SERGEF: variants seen among roughly 807,000 people sequenced by gnomAD.
The protein encoded by SERGEF is secretion-regulating guanine nucleotide exchange factor.
SERGEF carries 51 observed loss-of-function variants against 50.0 expected under a neutral mutation model. The ratio of observed to expected loss-of-function variants is 1.02; its 90% CI spans 0.81 to 1.29. The LOEUF is 1.29. Ranked by LOEUF, SERGEF falls within the 50% of genes most tolerant of loss-of-function variation. SERGEF has a pLI of 0.00. For synonymous variants in SERGEF, 205 were observed against 212.4 expected, an observed-to-expected ratio of 0.97 and a Z score of 0.30; for missense variants, 521 against 557.0, an observed-to-expected ratio of 0.94 and a Z score of 0.65.
At chr11:17,816,403 A>G (rs1292050848) in intron 10 of SERGEF, among the ~76,000 whole-genome samples, 1 of 152,198 alleles carries the variant, frequency 6.6e-6, no homozygotes, top group Non-Finnish European at 1.5e-5. Flanking sequence ...TGCCAAGATG[A>G]GGTTTGTGAC....
intron 10 of SERGEF, among the ~76,000 whole-genome samples, chr11:17,825,251 T>A (rs963832172): frequency 3.3e-5 from 5 of 152,204 alleles, no homozygotes; most frequent in African/African-American, 1.2e-4. Flanking sequence ...TACTCTAAGC[T>A]CATCTCCTTT....
chr11:17,816,035 A>T (rs1325271938), intron 10 of SERGEF, among the ~76,000 whole-genome samples: 1 of 152,160 alleles, frequency 6.6e-6, no homozygotes, highest in African/African-American at 2.4e-5. Flanking sequence ...CAGGCTATAG[A>T]TTGTTTCCAT....
At chr11:17,871,020 C>CT (rs1473288613) in intron 10 of SERGEF, among the ~76,000 whole-genome samples, 9 of 152,160 alleles carry the variant, frequency 5.9e-5, no homozygotes, top group African/African-American at 2.2e-4. Flanking sequence ...TTTAAAAAAA[C>CT]TAACTTGAGA....
At chr11:17,994,850 C>A (rs1853802366) in intron 6 of SERGEF, among the ~76,000 whole-genome samples, 1 of 152,120 alleles carries the variant, frequency 6.6e-6, no homozygotes, top group South Asian at 2.1e-4. Flanking sequence ...TTACATCACT[C>A]CCACTGCAAC....
At chr11:17,988,088 G>A (rs1853637336) in intron 8 of SERGEF, among the ~76,000 whole-genome samples, 1 of 152,134 alleles carries the variant, frequency 6.6e-6, no homozygotes. Context: ...GGCATGATGT[G>A]GTAACATCTG....
chr11:17,993,611 C>T (rs1853766680), intron 6 of SERGEF, among the ~76,000 whole-genome samples: 1 of 152,348 alleles, frequency 6.6e-6, no homozygotes, highest in South Asian at 2.1e-4. Context: ...TGATGACATG[C>T]AGTCTAGCAT....
At chr11:17,951,404 T>C (rs1852771397) in intron 9 of SERGEF, among the ~76,000 whole-genome samples, 1 of 152,176 alleles carries the variant, frequency 6.6e-6, no homozygotes, top group Admixed American at 6.5e-5. Flanking sequence ...TCATACAGAT[T>C]GTACAAACAG....
At chr11:17,905,583 C>T (rs1165016879) in intron 9 of SERGEF, among the ~76,000 whole-genome samples, 2 of 152,174 alleles carry the variant, frequency 1.3e-5, no homozygotes, top group African/African-American at 2.4e-5. Context: ...CCCAGGGCTC[C>T]TTCTCTAATG....
intron 9 of SERGEF, among the ~76,000 whole-genome samples, chr11:17,931,027 T>G (rs1324210595): frequency 6.6e-6 from 1 of 152,176 alleles, no homozygotes; most frequent in African/African-American, 2.4e-5. Context: ...AGTCTCCCAA[T>G]TCAGCACTGC....
intron 10 of SERGEF, among the ~76,000 whole-genome samples, chr11:17,838,792 A>G (rs1850450373): frequency 6.6e-6 from 1 of 152,212 alleles, no homozygotes; most frequent in Non-Finnish European, 1.5e-5. Context: ...TATTAATATC[A>G]ATAACTACTT....
At chr11:17,850,715 C>A (rs980587087) in intron 10 of SERGEF, among the ~76,000 whole-genome samples, 1 of 152,220 alleles carries the variant, frequency 6.6e-6, no homozygotes, top group African/African-American at 2.4e-5. Context: ...CTCTGGTAAT[C>A]ATGGCTCCCT....
At chr11:17,932,037 T>C (rs755292089) in intron 9 of SERGEF, among the ~76,000 whole-genome samples, 3 of 137,094 alleles carry the variant, frequency 2.2e-5, no homozygotes, top group Admixed American at 7.9e-5. Context: ...TTTCAATGTA[T>C]CTTAAATATT....
intron 10 of SERGEF, among the ~76,000 whole-genome samples, chr11:17,869,096 C>G (rs1851086416): frequency 6.6e-6 from 1 of 152,122 alleles, no homozygotes; most frequent in Non-Finnish European, 1.5e-5. Context: ...GCCACGTATC[C>G]CGATTTTTAG....
At chr11:18,012,656 G>A in intron 1 of SERGEF, 1 of 1,164,920 alleles carries the variant, frequency 8.6e-7, no homozygotes, top group Non-Finnish European at 1.1e-6. Flanking sequence ...CGGGCTGGAG[G>A]GCTCTCGCGG....
chr11:17,903,299 AAC>A (rs3831590), intron 9 of SERGEF, among the ~76,000 whole-genome samples: 59,295 of 151,938 alleles, frequency 0.39, 11,691 homozygotes, highest in South Asian at 0.43. Flanking sequence ...ACCTGGCAAA[AAC>A]ACAGAGTTGA....
rs143366383 is a variant in SERGEF, at chr11:17,916,681, TA to T, written c.1012-38438del. Among the ~76,000 whole-genome samples, 126 of 152,358 alleles carry T rather than the reference TA, an allele frequency of 8.3e-4. 3 individuals carry two copies. The East Asian group carries it at 0.024, about 29-fold the overall frequency. On this transcript the variant is annotated intron_variant, in intron 9 of 10. Coordinates refer to ENST00000265965, the MANE Select transcript of SERGEF (RefSeq NM_012139.4). ...TACCTGGCACATAATAAGTACTCAA[TA>T]AGTGTTGGTTTTTGTTGCTGTGTAA...
At chr11:17,814,631 T>G (rs756822697) in intron 10 of SERGEF, among the ~76,000 whole-genome samples, 12 of 152,198 alleles carry the variant, frequency 7.9e-5, no homozygotes, top group Non-Finnish European at 1.6e-4. Context: ...GGAGGTAGGT[T>G]TTGCTATTTT....
At chr11:17,984,279 G>A (rs1342513112) in intron 8 of SERGEF, among the ~76,000 whole-genome samples, 1 of 152,184 alleles carries the variant, frequency 6.6e-6, no homozygotes, top group Non-Finnish European at 1.5e-5. Context: ...AGGAAGCATA[G>A]TTCGAGCATT....
chr11:17,880,714 A>G (rs949962143), intron 9 of SERGEF, among the ~76,000 whole-genome samples: 1 of 152,216 alleles, frequency 6.6e-6, no homozygotes, highest in Admixed American at 6.5e-5. Context: ...AGAGAAAAAA[A>G]CCCACCTGGG....
Sources: gnomAD v4.1 joint callset for allele counts (sites outside exome capture counted in the v4.1 genomes callset) on GRCh38, gnomAD v4.1.1 for gene constraint, MANE v1.5 for transcripts, NCBI Gene and HGNC (gene_info 2026-07-23, HGNC 2026-07-21) for gene names.